The following CLIP2 variants were observed in gnomAD, a reference collection of about 807,000 sequenced individuals.
CLIP2 encodes the protein CAP-Gly domain containing linker protein 2, also known as CAP-Gly domain-containing linker protein 2.
In CLIP2, 41 loss-of-function variants were observed where a neutral mutation model predicts 111.7. The ratio of observed to expected loss-of-function variants is 0.37; its 90% CI spans 0.29 to 0.48. CLIP2 has a LOEUF of 0.48. CLIP2 is among the 20% of genes least tolerant of loss of function. The probability of loss-of-function intolerance (pLI) is 0.99; values close to 1 mark genes in which losing one functional copy is unlikely to be tolerated. For synonymous variants in CLIP2, 660 were observed against 644.2 expected, an observed-to-expected ratio of 1.02 and a Z score of -0.37; for missense variants, 1,160 against 1,422.1, an observed-to-expected ratio of 0.82 and a Z score of 2.96.
intron 1 of CLIP2, among the ~76,000 whole-genome samples, chr7:74,305,066 G>A (rs4717882): frequency 0.19 from 25,742 of 138,382 alleles, 4,819 homozygotes; most frequent in African/African-American, 0.47. Flanking sequence ...AGTTCATCCT[G>A]TGGGTGGCTC....
chr7:74,331,205 C>CAAAAAAAAAAAAAAA (rs58844348), intron 2 of CLIP2, among the ~76,000 whole-genome samples: 2 of 59,954 alleles, frequency 3.3e-5, no homozygotes, highest in African/African-American at 7.7e-5. Context: ...GACTCCATCT[C>CAAAAAAAAAAAAAAA]AAAAAAAAAA....
chr7:74,329,258 G>T (rs1048068402), intron 2 of CLIP2, among the ~76,000 whole-genome samples: 1 of 151,588 alleles, frequency 6.6e-6, no homozygotes, highest in East Asian at 1.9e-4. Flanking sequence ...ACAAAGTCTC[G>T]CTATGTTGCC....
intron 12 of CLIP2, among the ~76,000 whole-genome samples, chr7:74,388,489 C>T (rs1554315231): frequency 6.7e-6 from 1 of 149,362 alleles, no homozygotes; most frequent in African/African-American, 2.5e-5. Context: ...AATAGCAAGA[C>T]TCCGTCTCAA....
chr7:74,335,668 T>TTCCTTCCC, intron 2 of CLIP2, among the ~76,000 whole-genome samples: 1 of 147,378 alleles, frequency 6.8e-6, no homozygotes, highest in African/African-American at 2.5e-5. Flanking sequence ...CCTTCCTTCC[T>TTCCTTCCC]TCCTTCCTTG....
intron 1 of CLIP2, among the ~76,000 whole-genome samples, chr7:74,311,746 C>CA (rs1482117953): frequency 1.3e-5 from 2 of 151,124 alleles, no homozygotes; most frequent in Admixed American, 6.6e-5. Flanking sequence ...CCAGTCTCTA[C>CA]AAAAAATAAA....
At position 74,291,923 on chromosome 7, in the gene CLIP2, CTTTTTTT is replaced by C. The variant is rs782577666; in HGVS notation, c.-68+2201_-68+2207del. ...CCACCCTGACAGTTGATCCTGCCCTCTTTTTTTTTTTTTTTTTTGAAATGGAGTTTCA... is the reference window on the plus strand; with the variant it reads ...CCACCCTGACAGTTGATCCTGCCCTCTTTTTTTTTTTGAAATGGAGTTTCA... On this transcript the variant is annotated intron_variant, in intron 1 of 16. Coordinates refer to ENST00000223398, the MANE Select transcript of CLIP2 (RefSeq NM_003388.5). Among the ~76,000 whole-genome samples the C allele has an allele frequency of 3.8e-4, 50 of 132,846 alleles. 1 individual carries two copies. The highest frequency in any genetic ancestry group is 1.4e-3 in the African/African-American group (48 of 34,328). 87.2% of individuals were successfully genotyped at this position (132,846 alleles called of 152,430 possible). A position where few individuals can be genotyped will look rare whatever the true frequency, so the allele number is the denominator to read the frequency against.
intron 3 of CLIP2, 127 bp from the exon 4 acceptor site, chr7:74,353,753 C>T (rs1437520405): frequency 2.3e-6 from 3 of 1,296,908 alleles, no homozygotes; most frequent in Non-Finnish European, 2.2e-6. Flanking sequence ...TCTCCCTCCC[C>T]ACTCCTGGCT....
At chr7:74,399,142 C>T (rs1338360143) in intron 14 of CLIP2, among the ~76,000 whole-genome samples, 3 of 26,376 alleles carry the variant, frequency 1.1e-4, no homozygotes, top group Non-Finnish European at 2.6e-4. Flanking sequence ...TGTGCAGGAG[C>T]GAGGAGGCTG....
intron 13 of CLIP2, among the ~76,000 whole-genome samples, chr7:74,395,221 G>A (rs1012160688): frequency 7.9e-5 from 12 of 151,182 alleles, no homozygotes; most frequent in African/African-American, 2.4e-4. Flanking sequence ...GTGCAGTGGC[G>A]CAATCTTGGC....
intron 1 of CLIP2, among the ~76,000 whole-genome samples, chr7:74,292,349 A>G (rs1457849464): frequency 2.0e-5 from 3 of 151,672 alleles, no homozygotes; most frequent in Non-Finnish European, 2.9e-5. Context: ...GTGCAGGTTG[A>G]AAAAAAAAGT....
At chr7:74,390,698 G>A (rs1791269939) in intron 13 of CLIP2, among the ~76,000 whole-genome samples, 1 of 133,894 alleles carries the variant, frequency 7.5e-6, no homozygotes, top group African/African-American at 2.8e-5. Flanking sequence ...CCAATTGCAT[G>A]TAACATAAGT....
At chr7:74,393,450 C>A (rs1254160990) in intron 13 of CLIP2, among the ~76,000 whole-genome samples, 1 of 152,060 alleles carries the variant, frequency 6.6e-6, no homozygotes, top group Non-Finnish European at 1.5e-5. Flanking sequence ...GATTCTCCTG[C>A]CTCAGCCTTA....
chr7:74,344,506 C>T (rs936447489), intron 3 of CLIP2, among the ~76,000 whole-genome samples: 6 of 152,078 alleles, frequency 3.9e-5, no homozygotes, highest in East Asian at 1.9e-4. Context: ...CTCAACTTCT[C>T]GAGAATCTGG....
rs114396166 is a variant in CLIP2, at chr7:74,358,617, T to C, written c.1215+1140T>C. Among the ~76,000 whole-genome samples, 296 of 152,214 alleles carry C rather than the reference T, an allele frequency of 1.9e-3. 1 individual carries two copies. The highest frequency in any genetic ancestry group is 6.8e-3 in the African/African-American group (282 of 41,550). ...TTCTTTTAGAGATAGGGCCTTGCTT[T>C]GTTGCCCAGGTTGGAGTGCAGTGAC... On this transcript the variant is annotated intron_variant, in intron 6 of 16. Coordinates refer to ENST00000223398, the MANE Select transcript of CLIP2 (RefSeq NM_003388.5).
intron 16 of CLIP2, 185 bp downstream of exon 16, chr7:74,401,752 TTG>T: frequency 1.4e-6 from 1 of 722,040 alleles, no homozygotes; most frequent in Admixed American, 2.0e-5. Context: ...TCTTTTTGAT[TTG>T]TGTTTTCTTC....
chr7:74,390,774 G>A (rs1202149406), intron 13 of CLIP2, among the ~76,000 whole-genome samples: 1 of 150,942 alleles, frequency 6.6e-6, no homozygotes, highest in Non-Finnish European at 1.5e-5. Flanking sequence ...GGGACTGGGC[G>A]GGGTGGCTTC....
In CLIP2 at chr7:74,317,599, GC is replaced by G; in HGVS notation, c.57del (p.Met20TrpfsTer68). On this transcript the variant is annotated frameshift_variant, in exon 2 of 17. Coordinates refer to ENST00000223398, the MANE Select transcript of CLIP2 (RefSeq NM_003388.5). LOFTEE classifies it high-confidence loss of function. ...CCCGGCCGTGGGGGGAAGCACTCCA[GC>G]CCCATGGGCCGGACATCTACTGGGT... ...KPPGRGGKHS[S>X]PMGRTSTGSA... 1 of 1,519,688 alleles carries G rather than the reference GC, an allele frequency of 6.6e-7. No homozygotes were observed. Among genetic ancestry groups the G allele is most frequent in the Non-Finnish European group, 8.9e-7 (1 of 1,128,442 alleles). 94.1% of individuals were successfully genotyped at this position (1,519,688 alleles called of 1,614,324 possible). A position where few individuals can be genotyped will look rare whatever the true frequency, so the allele number is the denominator to read the frequency against.
At chr7:74,309,403 C>CTA (rs1554728184) in intron 1 of CLIP2, among the ~76,000 whole-genome samples, 1 of 152,190 alleles carries the variant, frequency 6.6e-6, no homozygotes, top group Non-Finnish European at 1.5e-5. Context: ...ATTTCTACTA[C>CTA]CCAGAAAGTT....
chr7:74,361,929 T>C (rs1488107611), intron 7 of CLIP2, among the ~76,000 whole-genome samples: 1 of 151,848 alleles, frequency 6.6e-6, no homozygotes, highest in African/African-American at 2.4e-5. Context: ...GGTGAAACCC[T>C]GTCTCTACTA....
Sources: allele counts gnomAD v4.1 joint callset (sites outside exome capture counted in the v4.1 genomes callset), GRCh38; gene constraint gnomAD v4.1.1; transcripts MANE v1.5; gene names NCBI Gene and HGNC (gene_info 2026-07-23, HGNC 2026-07-21).